Variants in SLC35F5 observed in about 807,000 individuals in gnomAD.
SLC35F5 encodes the protein HCV NS5A-transactivated protein 3.
A neutral mutation model predicts 68.6 loss-of-function variants in SLC35F5; 54 were observed. That is an observed-to-expected ratio of 0.79 (90% CI 0.63 to 0.99). The LOEUF (loss-of-function observed/expected upper bound fraction) is 0.99. Among genes scored for constraint, SLC35F5 ranks in the 50% least tolerant of loss-of-function variants. The probability of loss-of-function intolerance (pLI) is 0.00; values close to 1 mark genes in which losing one functional copy is unlikely to be tolerated. For synonymous variants in SLC35F5, 211 were observed against 205.2 expected, an observed-to-expected ratio of 1.03 and a Z score of -0.24; for missense variants, 567 against 626.9, an observed-to-expected ratio of 0.90 and a Z score of 1.02.
rs773000852 is a variant in SLC35F5 at position 113,725,458 on chromosome 2, C to T, written c.1170G>A (p.Glu390=). ...ACATTAATACTACTTTATTGGGAAA[C>T]TCGAAGTCCTCAAATCCAGTATAAT... ...LLHYTGFEDF[E]FPNKVVLMCI... Residue 390 remains glutamate, a synonymous_variant, in exon 12 of 16, where the codon GAG becomes GAA. Transcript: ENST00000245680. 7 of 1,611,364 alleles carry T rather than the reference C, an allele frequency of 4.3e-6. No homozygotes were observed. Among genetic ancestry groups the T allele is most frequent in the East Asian group, 2.2e-5 (1 of 44,826 alleles).
At chr2:113,748,684 A>G (rs998755766) in intron 4 of SLC35F5, among the ~76,000 whole-genome samples, 1 of 152,212 alleles carries the variant, frequency 6.6e-6, no homozygotes, top group African/African-American at 2.4e-5. Flanking sequence ...TCTACAATGT[A>G]TATGTATTAC....
rs1247717109 is a variant in SLC35F5, at chr2:113,756,423, A to AGGCC, written c.-18_-15dup. 2 of 1,547,160 alleles carry AGGCC rather than the reference A, an allele frequency of 1.3e-6. No individual in the cohort carries two copies. The highest frequency in any genetic ancestry group is 1.7e-4 in the Middle Eastern group (1 of 5,816). ...TGGCGGCACCATGAGCGGACCGGTC[A>AGGCC]GGCCCCGCAGCCGCCCAGCGCCACG... On this transcript the variant is annotated 5_prime_UTR_variant, in exon 1 of 16. Transcript: ENST00000245680.
chr2:113,749,362 T>G lies in SLC35F5; in HGVS notation c.417+1063A>C, dbSNP rs113572298. Among the ~76,000 whole-genome samples, 1,431 of 152,200 alleles carry G rather than the reference T, an allele frequency of 9.4e-3. 19 individuals carry two copies. Among genetic ancestry groups the G allele is most frequent in the African/African-American group, 0.033 (1,366 of 41,534 alleles). ...AAAAAATACAAAAATCAGTGGGGTG[T>G]GGTGTTGCATGGCTACGTACTCAGC... On this transcript the variant is annotated intron_variant, in intron 4 of 15. Coordinates refer to ENST00000245680, the MANE Select transcript of SLC35F5 (RefSeq NM_025181.5).
intron 7 of SLC35F5, chr2:113,742,478 T>C: frequency 3.5e-6 from 2 of 563,520 alleles, no homozygotes; most frequent in East Asian, 2.8e-5. Flanking sequence ...ATAGCTGAAG[T>C]GTTATAGGAC....
At chr2:113,723,714 A>G (rs2104990085) in intron 12 of SLC35F5, among the ~76,000 whole-genome samples, 1 of 152,312 alleles carries the variant, frequency 6.6e-6, no homozygotes, top group Admixed American at 6.5e-5. Context: ...AAAGACTTGA[A>G]TATTCTTAAA....
chr2:113,720,185 G>A (rs947773982), intron 13 of SLC35F5, among the ~76,000 whole-genome samples: 2 of 151,734 alleles, frequency 1.3e-5, no homozygotes, highest in Non-Finnish European at 1.5e-5. Context: ...GATCAGAAAC[G>A]ATTGTCAAAG....
At chr2:113,718,381 A>G (rs1687258624) in intron 14 of SLC35F5, among the ~76,000 whole-genome samples, 1 of 152,188 alleles carries the variant, frequency 6.6e-6, no homozygotes. Context: ...TTATAGCAAA[A>G]TGTAAAAAGC....
intron 9 of SLC35F5, among the ~76,000 whole-genome samples, chr2:113,732,640 G>C (rs1559338686): frequency 1.3e-5 from 2 of 152,188 alleles, no homozygotes; most frequent in East Asian, 3.9e-4. Flanking sequence ...ATTATTTATT[G>C]AGTATCCACA....
chr2:113,703,645 G>A (rs1686737855), downstream of SLC35F5: 1 of 152,150 alleles, frequency 6.6e-6, no homozygotes, highest in African/African-American at 2.4e-5. Context: ...AGATTGGCGA[G>A]ACTTGATTTT....
intron 9 of SLC35F5, among the ~76,000 whole-genome samples, chr2:113,732,207 T>A (rs1196149077): frequency 2.0e-5 from 3 of 152,210 alleles, no homozygotes; most frequent in Admixed American, 6.5e-5. Context: ...CTCATGATTT[T>A]AGTGGATAAA....
chr2:113,721,971 CTTTTTTTT>C (rs71297192), intron 13 of SLC35F5, among the ~76,000 whole-genome samples: 2 of 107,660 alleles, frequency 1.9e-5, no homozygotes, highest in South Asian at 3.1e-4. Context: ...TTGCTTTTAT[CTTTTTTTT>C]TTTTTTTTTT....
At chr2:113,746,516 T>C (rs1458628973) in intron 4 of SLC35F5, among the ~76,000 whole-genome samples, 177 bp from the exon 5 acceptor site, 1 of 152,204 alleles carries the variant, frequency 6.6e-6, no homozygotes, top group African/African-American at 2.4e-5. Flanking sequence ...GTAGGTATTA[T>C]CTTCATTTTA....
chr2:113,750,323 A>T, intron 4 of SLC35F5, 102 bp downstream of exon 4: 1 of 1,175,388 alleles, frequency 8.5e-7, no homozygotes. Context: ...TAACTGAACA[A>T]CTTAAAATAT....
intron 11 of SLC35F5, among the ~76,000 whole-genome samples, chr2:113,726,280 A>T (rs148371716): frequency 7.6e-4 from 116 of 152,310 alleles, no homozygotes; most frequent in African/African-American, 2.6e-3. Flanking sequence ...CAAAACACAT[A>T]AAATATAGCA....
chr2:113,731,538 C>T, intron 10 of SLC35F5, 46 bp downstream of exon 10: 1 of 1,506,736 alleles, frequency 6.6e-7, no homozygotes. Context: ...GCACATGTAA[C>T]TTTCTTATTT....
rs1686988518 is a variant in SLC35F5, at chr2:113,711,640, A to T, written c.*3578T>A. Among the ~76,000 whole-genome samples, 1 of 152,230 alleles carries T rather than the reference A, an allele frequency of 6.6e-6. No individual in the cohort carries two copies. Among genetic ancestry groups the T allele is most frequent in the South Asian group, 2.1e-4 (1 of 4,830 alleles). On this transcript the variant is annotated 3_prime_UTR_variant, in exon 16 of 16. Transcript: ENST00000245680. Reference sequence around the variant, plus strand: ...TCAAACTTCAAATTCTGTAAACTGAACATCTCATTAATGCCACTTCACCAT... The same window carrying T: ...TCAAACTTCAAATTCTGTAAACTGATCATCTCATTAATGCCACTTCACCAT...
rs1447334890 is a variant in SLC35F5, at chr2:113,736,008, C to T, written c.751-150G>A. 1.1e-5 allele frequency: 6 copies of T among 529,970 alleles called. No individual in the cohort carries two copies. The East Asian group carries it at 1.9e-4, about 16-fold the overall frequency. The allele number at this position is 529,970 out of a possible 1,614,324, so 32.8% of individuals were successfully genotyped here. On this transcript the variant is annotated intron_variant, in intron 7 of 15. Transcript: ENST00000245680. ...CTTTGTATTGAAAAAATCACAGGCT[C>T]CCAAAAAAGACAAACATTTATAATC...
chr2:113,756,419 G>C lies in SLC35F5; in HGVS notation c.-10C>G, dbSNP rs140537010. 1 of 1,550,094 alleles carries C rather than the reference G, an allele frequency of 6.5e-7. No individual in the cohort carries two copies. Among genetic ancestry groups the C allele is most frequent in the Non-Finnish European group, 8.7e-7 (1 of 1,149,284 alleles). On this transcript the variant is annotated 5_prime_UTR_variant, in exon 1 of 16. Transcript: ENST00000245680. ...GTCGTGGCGGCACCATGAGCGGACC[G>C]GTCAGGCCCCGCAGCCGCCCAGCGC...
Position 113,713,662 on chromosome 2 carries a change from A to T in SLC35F5, c.*1556T>A, listed in dbSNP as rs1214348903. The T allele has an allele frequency of 2.0e-5, 3 of 151,966 alleles. No homozygotes were observed. Among genetic ancestry groups the T allele is most frequent in the Non-Finnish European group, 4.4e-5 (3 of 67,980 alleles). 9.4% of individuals were successfully genotyped at this position (151,966 alleles called of 1,614,324 possible). On this transcript the variant is annotated 3_prime_UTR_variant, in exon 16 of 16. Transcript: ENST00000245680. ...CTGTTGAGCTAAACAGGTCAAAAGT[A>T]TAATAAACTCAACATTATTTTTAAC...
Sources: allele counts gnomAD v4.1 joint callset (sites outside exome capture counted in the v4.1 genomes callset), GRCh38; gene constraint gnomAD v4.1.1; transcripts MANE v1.5; gene names NCBI Gene and HGNC (gene_info 2026-07-23, HGNC 2026-07-21).